The following ALMS1 variants were observed in gnomAD, a reference collection of about 807,000 sequenced individuals.
The protein encoded by ALMS1 is centrosome-associated protein ALMS1.
A neutral mutation model predicts 352.2 loss-of-function variants in ALMS1; 271 were observed. The ratio of observed to expected loss-of-function variants is 0.77; its 90% CI spans 0.70 to 0.85. The LOEUF (loss-of-function observed/expected upper bound fraction) is 0.85. ALMS1 is among the 40% of genes least tolerant of loss of function. ALMS1 has a pLI of 0.00. For synonymous variants in ALMS1, 1,865 were observed against 1,761.2 expected (o/e 1.06, Z -1.48); for missense variants, 5,445 against 4,870.7 (o/e 1.12, Z -3.51).
At chr2:73,395,168 G>A (rs758397174) in intron 1 of ALMS1, among the ~76,000 whole-genome samples, 22 of 138,936 alleles carry the variant, frequency 1.6e-4, no homozygotes, top group Non-Finnish European at 2.6e-4. Flanking sequence ...TGCAACCACC[G>A]CTTCCCAGGC....
chr2:73,503,171 A>G (rs978176234), intron 10 of ALMS1, among the ~76,000 whole-genome samples: 3 of 152,010 alleles, frequency 2.0e-5, no homozygotes, highest in Non-Finnish European at 4.4e-5. Flanking sequence ...ATGTGTATAC[A>G]TGTGCCATGC....
At chr2:73,398,191 A>G (rs1011259095) in intron 1 of ALMS1, among the ~76,000 whole-genome samples, 15 of 152,144 alleles carry the variant, frequency 9.9e-5, no homozygotes, top group Admixed American at 1.3e-4. Context: ...TTCTGGGTTC[A>G]TTGTTTTGCA....
chr2:73,445,079 C>CT (rs546108984), intron 7 of ALMS1, among the ~76,000 whole-genome samples: 53 of 151,824 alleles, frequency 3.5e-4, no homozygotes, highest in Non-Finnish European at 6.6e-4. Flanking sequence ...TTTTGCCAGA[C>CT]TTTTTAAAAA....
intron 2 of ALMS1, among the ~76,000 whole-genome samples, chr2:73,415,150 C>G (rs1671161198): frequency 6.6e-6 from 1 of 152,106 alleles, no homozygotes; most frequent in Admixed American, 6.5e-5. Context: ...TGTTGTCCCT[C>G]CCCACATCTG....
At position 73,465,219 on chromosome 2, in the gene ALMS1, A is replaced by G. The variant is rs1450858838; in HGVS notation, c.7674+9924A>G. Among the ~76,000 whole-genome samples, 46 of 152,104 alleles carry G rather than the reference A, an allele frequency of 3.0e-4. No individual in the cohort carries two copies. The South Asian group carries it at 7.7e-3, about 25-fold the overall frequency. On this transcript the variant is annotated intron_variant, in intron 9 of 22. Transcript: ENST00000613296. ...AAAAGAACAAAGCTGGAGGCATCAC[A>G]CTACCTGACTTCAAACTATACTACA...
At chr2:73,386,307 T>C in intron 1 of ALMS1, 115 bp downstream of exon 1, 1 of 1,374,490 alleles carries the variant, frequency 7.3e-7, no homozygotes, top group Non-Finnish European at 9.5e-7. Context: ...CGCGCGCAGC[T>C]GAGGCTAGTA....
intron 12 of ALMS1, among the ~76,000 whole-genome samples, chr2:73,540,627 C>G (rs1246767572): frequency 6.6e-6 from 1 of 152,092 alleles, no homozygotes; most frequent in Non-Finnish European, 1.5e-5. Flanking sequence ...TTCAGGAAAC[C>G]CATCTCATGT....
chr2:73,473,923 AG>A (rs1402035451), intron 9 of ALMS1, among the ~76,000 whole-genome samples: 35 of 32,602 alleles, frequency 1.1e-3, no homozygotes, highest in Non-Finnish European at 3.0e-3. Context: ...TAGAGGGAAG[AG>A]AGAGAGAGAG....
intron 10 of ALMS1, among the ~76,000 whole-genome samples, chr2:73,492,996 A>G (rs1673023871): frequency 6.6e-6 from 1 of 152,120 alleles, no homozygotes; most frequent in South Asian, 2.1e-4. Flanking sequence ...TTTAGAAATT[A>G]AAACATTGAC....
chr2:73,485,396 G>C (rs1051443937), intron 9 of ALMS1, among the ~76,000 whole-genome samples: 1 of 152,236 alleles, frequency 6.6e-6, no homozygotes, highest in Non-Finnish European at 1.5e-5. Context: ...CAGGGGTCAG[G>C]GGTCAGGGAC....
At chr2:73,560,612 G>A (rs552428412) in intron 15 of ALMS1, among the ~76,000 whole-genome samples, 3 of 152,284 alleles carry the variant, frequency 2.0e-5, no homozygotes, top group Middle Eastern at 3.4e-3. Flanking sequence ...GTTTATTGCA[G>A]CGTTATTTAT....
chr2:73,520,441 CAT>C lies in ALMS1; in HGVS notation c.9781+426_9781+427del, dbSNP rs548431485. ...ATACTATAACAAATAGATGCATAAA[CAT>C]GTGATAGTGCAAACACAATAGCAGT... On this transcript the variant is annotated intron_variant, in intron 11 of 22. Coordinates refer to ENST00000613296, the MANE Select transcript of ALMS1 (RefSeq NM_001378454.1). 4.0e-3 allele frequency among the ~76,000 whole-genome samples: 608 copies of C among 152,264 alleles called. 1 individual carries two copies. The highest frequency in any genetic ancestry group is 0.016 in the South Asian group (79 of 4,826).
At chr2:73,456,725 G>A (rs1352917316) in intron 9 of ALMS1, 3 of 152,140 alleles carry the variant, frequency 2.0e-5, no homozygotes, top group African/African-American at 7.2e-5. Flanking sequence ...GTATATGCTT[G>A]TGAAAAACAA....
chr2:73,553,608 A>C (rs1470595565), intron 13 of ALMS1, among the ~76,000 whole-genome samples: 1 of 152,224 alleles, frequency 6.6e-6, no homozygotes, highest in Non-Finnish European at 1.5e-5. Flanking sequence ...AATAAATGTA[A>C]TTACAGTATA....
At chr2:73,481,458 CA>C (rs1204691414) in intron 9 of ALMS1, among the ~76,000 whole-genome samples, 1 of 152,088 alleles carries the variant, frequency 6.6e-6, no homozygotes, top group East Asian at 1.9e-4. Context: ...GTACCAGTAC[CA>C]TGCTGTTTTG....
chr2:73,396,057 G>A (rs1421415830), intron 1 of ALMS1, among the ~76,000 whole-genome samples: 1 of 152,184 alleles, frequency 6.6e-6, no homozygotes, highest in East Asian at 1.9e-4. Flanking sequence ...GGACAAACTT[G>A]TCTTAGGGAG....
At chr2:73,479,002 C>A (rs897148744) in intron 9 of ALMS1, among the ~76,000 whole-genome samples, 4 of 152,148 alleles carry the variant, frequency 2.6e-5, no homozygotes, top group Non-Finnish European at 5.9e-5. Flanking sequence ...ATCCATGTCC[C>A]AGCAAAGGAC....
intron 14 of ALMS1, among the ~76,000 whole-genome samples, chr2:73,557,652 T>TA (rs1674574018): frequency 6.6e-6 from 1 of 152,242 alleles, no homozygotes. Context: ...CCTCCGCTGA[T>TA]AAAATCTCTC....
In ALMS1 at chr2:73,385,994, C is replaced by CGTGGAGGAG. The variant is rs747912991; in HGVS notation, c.135_143dup (p.Val46_Glu48dup). ...CGGCGAACGTGGACGACGTAGTGGTCGTGGAGGAGGTGGAGGAAGAGGCGG... is the reference window on the plus strand; with the variant it reads ...CGGCGAACGTGGACGACGTAGTGGTCGTGGAGGAGGTGGAGGAGGTGGAGGAAGAGGCGG... On this transcript the variant is annotated inframe_insertion, in exon 1 of 23. Transcript: ENST00000613296. The CGTGGAGGAG allele has an allele frequency of 2.6e-6, 4 of 1,550,344 alleles. No individual in the cohort carries two copies. Among genetic ancestry groups the CGTGGAGGAG allele is most frequent in the Middle Eastern group, 1.7e-4 (1 of 5,984 alleles).
Sources: allele counts gnomAD v4.1 joint callset (sites outside exome capture counted in the v4.1 genomes callset), GRCh38; gene constraint gnomAD v4.1.1; transcripts MANE v1.5; gene names NCBI Gene and HGNC (gene_info 2026-07-23, HGNC 2026-07-21).